Variants in NIBAN1 observed in about 807,000 individuals in gnomAD.
The protein encoded by NIBAN1 is protein Niban 1.
In NIBAN1, 81 loss-of-function variants were observed where a neutral mutation model predicts 75.1. The ratio of observed to expected loss-of-function variants is 1.08; its 90% confidence interval spans 0.90 to 1.30. NIBAN1 has a LOEUF of 1.30. Ranked by LOEUF, NIBAN1 falls within the 50% of genes most tolerant of loss-of-function variation. The pLI is 0.00. For synonymous variants in NIBAN1, 436 were observed against 424.8 expected, an observed-to-expected ratio of 1.03 and a Z score of -0.32; for missense variants, 1,133 against 1,128.1, an observed-to-expected ratio of 1.00 and a Z score of -0.06.
At position 184,795,035 on chromosome 1, in the gene NIBAN1, T is replaced by C. The variant is rs1393198259; in HGVS notation, c.2729A>G (p.Asp910Gly). ...CTGACCACCTTCTCCCTCCTTCACG[T>C]CATCTTTGTGTGACAGCAGGACATC... ...NPDVLLSHKD[D>G]VKEGEGGQES... The change falls in exon 14 of 14, where the codon GAC becomes GGC. Residue 910 changes from aspartate to glycine, a missense_variant. Physicochemically the swap from Asp to Gly is moderately conservative, Grantham distance 94. Coordinates refer to ENST00000367511, the MANE Select transcript of NIBAN1 (RefSeq NM_052966.4). 1 of 1,613,678 alleles carries C rather than the reference T, an allele frequency of 6.2e-7. No individual in the cohort carries two copies. Among genetic ancestry groups the C allele is most frequent in the South Asian group, 1.1e-5 (1 of 91,084 alleles).
At position 184,795,326 on chromosome 1, in the gene NIBAN1, C is replaced by G; in HGVS notation, c.2438G>C (p.Gly813Ala). 4 of 1,611,302 alleles carry G rather than the reference C, an allele frequency of 2.5e-6. No homozygotes were observed. The highest frequency in any genetic ancestry group is 3.4e-6 in the Non-Finnish European group (4 of 1,178,960). ...LTEEPLGPME[G>A]ELPGEACTLT... ...TGTGCAGGCCTCTCCTGGGAGCTCC[C>G]CCTCCATGGGCCCCAGGGGCTCCTC... Residue 813 changes from glycine to alanine, a missense_variant, in exon 14 of 14, where the codon GGG becomes GCG. Transcript: ENST00000367511.
At chr1:184,966,475 C>A (rs539832919) in intron 1 of NIBAN1, among the ~76,000 whole-genome samples, 96 of 152,310 alleles carry the variant, frequency 6.3e-4, no homozygotes, top group African/African-American at 2.1e-3. Flanking sequence ...AGTAGAACCA[C>A]CCAGCCTGGA....
At chr1:184,958,318 A>T (rs127758) in intron 1 of NIBAN1, among the ~76,000 whole-genome samples, 120,489 of 151,342 alleles carry the variant, frequency 0.8, 48,227 homozygotes, top group Non-Finnish European at 0.83. Context: ...GAGGTTGCAG[A>T]GAGCCAAGAT....
rs781384233 is a variant in NIBAN1 at position 184,828,998 on chromosome 1, C to T, written c.717+2849G>A. ...AACTTTTTGAAGAGATAGGGTCTTG[C>T]TATGTTGCCCAGGCTAATCTCGAAC... On this transcript the variant is annotated intron_variant, in intron 6 of 13. Transcript: ENST00000367511. 3.3e-5 allele frequency among the ~76,000 whole-genome samples: 5 copies of T among 152,042 alleles called. No individual in the cohort carries two copies. In the South Asian group the frequency reaches 1.0e-3, roughly 32 times the overall value.
chr1:184,897,072 G>C (rs1340915928), intron 2 of NIBAN1, among the ~76,000 whole-genome samples: 1 of 152,108 alleles, frequency 6.6e-6, no homozygotes, highest in Admixed American at 6.6e-5. Context: ...TTCTAATTTT[G>C]TGTAAGATGA....
intron 1 of NIBAN1, among the ~76,000 whole-genome samples, chr1:184,920,776 A>T (rs776151800): frequency 7.9e-5 from 12 of 152,258 alleles, no homozygotes; most frequent in Admixed American, 1.3e-4. Flanking sequence ...ATAATGAAAT[A>T]CAAGAAAATG....
intron 1 of NIBAN1, among the ~76,000 whole-genome samples, chr1:184,900,140 C>T (rs749703773): frequency 6.6e-6 from 1 of 152,088 alleles, no homozygotes; most frequent in Non-Finnish European, 1.5e-5. Context: ...CTTCAGATCC[C>T]TGAGGCTCCA....
chr1:184,820,646 T>C (rs1301030219), intron 8 of NIBAN1, among the ~76,000 whole-genome samples: 1 of 152,222 alleles, frequency 6.6e-6, no homozygotes, highest in African/African-American at 2.4e-5. Flanking sequence ...ATGTGTTTGA[T>C]ACATTAATTC....
intron 5 of NIBAN1, among the ~76,000 whole-genome samples, chr1:184,879,746 T>C (rs932956666): frequency 2.0e-5 from 3 of 152,220 alleles, no homozygotes; most frequent in Non-Finnish European, 4.4e-5. Context: ...ATGGGATTTC[T>C]GGGGTAAGAG....
chr1:184,922,358 T>C (rs1445843210), intron 1 of NIBAN1, among the ~76,000 whole-genome samples: 1 of 152,138 alleles, frequency 6.6e-6, no homozygotes, highest in Non-Finnish European at 1.5e-5. Flanking sequence ...TCTAACTACA[T>C]TTTTTTACCT....
chr1:184,942,326 G>A (rs559239679), intron 1 of NIBAN1, among the ~76,000 whole-genome samples: 2 of 152,354 alleles, frequency 1.3e-5, no homozygotes, highest in South Asian at 2.1e-4. Context: ...TAAAAGAGAT[G>A]CAATCTGTGG....
chr1:184,888,581 A>C (rs1415110431), intron 4 of NIBAN1, among the ~76,000 whole-genome samples: 1 of 152,242 alleles, frequency 6.6e-6, no homozygotes, highest in African/African-American at 2.4e-5. Flanking sequence ...TAAAAGTCAG[A>C]AGGTCACAAC....
chr1:184,843,463 G>A (rs1655351524), intron 5 of NIBAN1, among the ~76,000 whole-genome samples: 1 of 152,022 alleles, frequency 6.6e-6, no homozygotes, highest in African/African-American at 2.4e-5. Context: ...AAAAAAAAGA[G>A]AGAATATTTG....
chr1:184,812,098 C>G (rs966496625), intron 9 of NIBAN1, among the ~76,000 whole-genome samples: 1 of 152,184 alleles, frequency 6.6e-6, no homozygotes, highest in African/African-American at 2.4e-5. Flanking sequence ...TTGCTCTGGC[C>G]TCCCTGAGCT....
intron 2 of NIBAN1, among the ~76,000 whole-genome samples, chr1:184,896,925 A>C (rs1656815207): frequency 6.6e-6 from 1 of 152,158 alleles, no homozygotes; most frequent in Admixed American, 6.6e-5. Flanking sequence ...TACCAGTACC[A>C]TGCTGATTTA....
intron 6 of NIBAN1, among the ~76,000 whole-genome samples, chr1:184,826,741 G>A (rs1654851354): frequency 6.6e-6 from 1 of 152,130 alleles, no homozygotes; most frequent in African/African-American, 2.4e-5. Flanking sequence ...TGGGCTTATA[G>A]TTTTGTTTAG....
chr1:184,900,622 C>T (rs1656929091), intron 1 of NIBAN1, among the ~76,000 whole-genome samples: 1 of 152,094 alleles, frequency 6.6e-6, no homozygotes, highest in African/African-American at 2.4e-5. Context: ...ACATTCTTGC[C>T]TTTCCAATCT....
At chr1:184,860,151 C>A (rs1655778439) in intron 5 of NIBAN1, among the ~76,000 whole-genome samples, 1 of 151,394 alleles carries the variant, frequency 6.6e-6, no homozygotes, top group Admixed American at 6.6e-5. Flanking sequence ...GAATCAAAGC[C>A]ATAGGACTAA....
intron 5 of NIBAN1, among the ~76,000 whole-genome samples, chr1:184,866,443 C>A (rs2102281966): frequency 6.6e-6 from 1 of 152,212 alleles, no homozygotes; most frequent in African/African-American, 2.4e-5. Context: ...TGTTATAATT[C>A]TAGGATGTGT....
Sources: allele counts gnomAD v4.1 joint callset (sites outside exome capture counted in the v4.1 genomes callset), GRCh38; gene constraint gnomAD v4.1.1; transcripts MANE v1.5; gene names NCBI Gene and HGNC (gene_info 2026-07-23, HGNC 2026-07-21).